The following RBM41 variants were observed in gnomAD, a reference collection of about 807,000 sequenced individuals.
RBM41 encodes the protein RNA binding motif protein 41.
Under a neutral mutation model 30.8 loss-of-function variants are expected in RBM41, and 14 were observed. That is an observed-to-expected ratio of 0.45 (90% CI 0.30 to 0.71). RBM41 has a LOEUF of 0.71. Ranked by LOEUF, RBM41 falls within the 30% of genes least tolerant of loss-of-function variation. The probability of loss-of-function intolerance (pLI) is 0.08; values close to 1 mark genes in which losing one functional copy is unlikely to be tolerated. For missense variants in RBM41, 276 were observed against 326.3 expected, an observed-to-expected ratio of 0.85 and a Z score of 1.19; for synonymous variants, 120 against 110.1, an observed-to-expected ratio of 1.09 and a Z score of -0.56.
the RBM41 span, among the ~76,000 whole-genome samples, chrX:107,054,657 T>G: frequency 2.7e-5 from 3 of 112,040 alleles, no homozygotes; most frequent in Non-Finnish European, 3.8e-5. Flanking sequence ...TTTAGGGTTT[T>G]GGGATGAGGA....
intron 5 of RBM41, among the ~76,000 whole-genome samples, chrX:107,100,284 G>A (rs1923338019): frequency 1.8e-5 from 2 of 111,678 alleles, no homozygotes; most frequent in South Asian, 3.7e-4. Context: ...CCAACATGGC[G>A]TGTGCCACTG....
chrX:107,073,748 A>G (rs1936144935), intron 6 of RBM41, among the ~76,000 whole-genome samples: 1 of 112,143 alleles, frequency 8.9e-6, no homozygotes, highest in Admixed American at 9.5e-5. Flanking sequence ...TAGGTGCCCA[A>G]CGATGTGGTA....
At chrX:107,072,988 CAA>C (rs1936117038) in intron 6 of RBM41, among the ~76,000 whole-genome samples, 2 of 110,947 alleles carry the variant, frequency 1.8e-5, no homozygotes, top group African/African-American at 6.5e-5. Context: ...ATACAAAAAT[CAA>C]CTCAAAACAG....
At chrX:107,085,260 C>CTT (rs1190566353) in intron 6 of RBM41, among the ~76,000 whole-genome samples, 8 of 76,393 alleles carry the variant, frequency 1.0e-4, no homozygotes, top group African/African-American at 2.0e-4. Flanking sequence ...TTTTCTTTTT[C>CTT]TTTTTTTTTT....
chrX:107,088,323 T>A (rs1922218001), intron 6 of RBM41, 113 bp downstream of exon 6: 1 of 722,564 alleles, frequency 1.4e-6, no homozygotes, highest in African/African-American at 2.1e-5. Flanking sequence ...ACAATCACTG[T>A]GCCTATATCA....
At chrX:107,082,737 A>T (rs917100984) in intron 6 of RBM41, among the ~76,000 whole-genome samples, 4 of 110,976 alleles carry the variant, frequency 3.6e-5, no homozygotes, top group Non-Finnish European at 5.7e-5. Context: ...TTTACAACTG[A>T]TCTAAGTCCA....
intron 5 of RBM41, among the ~76,000 whole-genome samples, chrX:107,091,186 CTTTAT>C (rs1480585502): frequency 1.8e-5 from 2 of 111,727 alleles, no homozygotes; most frequent in Admixed American, 9.5e-5. Context: ...ACTTAAACTC[CTTTAT>C]TTTAGAGTGT....
intron 6 of RBM41, among the ~76,000 whole-genome samples, chrX:107,071,207 CA>C (rs56261473): frequency 0.38 from 22,055 of 58,775 alleles, 2,739 homozygotes; most frequent in African/African-American, 0.51. Context: ...TATATCACTA[CA>C]AAAAAAAAAA....
At chrX:107,091,755 A>G (rs1922558440) in intron 5 of RBM41, among the ~76,000 whole-genome samples, 1 of 112,393 alleles carries the variant, frequency 8.9e-6, no homozygotes, top group Non-Finnish European at 1.9e-5. Context: ...CTACATAAAA[A>G]GTAACTTACT....
Position 107,066,353 on chromosome X carries a change from T to C in RBM41, c.*1174A>G, listed in dbSNP as rs6622141. On this transcript the variant is annotated 3_prime_UTR_variant, in exon 8 of 8. Coordinates refer to ENST00000685964, the MANE Select transcript of RBM41 (RefSeq NM_001324242.2). ...TCTCTCATCAAATCGGGGGTATTTATAGCCATTATTTCTTAGAATATTTTT... is the reference window on the plus strand; with the variant it reads ...TCTCTCATCAAATCGGGGGTATTTACAGCCATTATTTCTTAGAATATTTTT... The C allele has an allele frequency of 0.15, 17,241 of 111,277 alleles. 1,240 individuals are homozygous for C. Among genetic ancestry groups the C allele is most frequent in the East Asian group, 0.46 (1,600 of 3,507 alleles). 9.2% of individuals were successfully genotyped at this position (111,277 alleles called of 1,213,427 possible).
At chrX:107,070,359 C>T (rs1176324780) in intron 6 of RBM41, 2 of 330,798 alleles carry the variant, frequency 6.0e-6, no homozygotes, top group East Asian at 9.7e-5. Context: ...CCATTTGGCT[C>T]CTAGAACGCT....
chrX:107,105,286 A>G (rs1180905910), intron 5 of RBM41, among the ~76,000 whole-genome samples: 1 of 108,560 alleles, frequency 9.2e-6, no homozygotes, highest in African/African-American at 3.4e-5. Flanking sequence ...AAAGAGAATA[A>G]AATACCTAGG....
chrX:107,063,957 T>C lies in RBM41; in HGVS notation c.*3570A>G, dbSNP rs1453668223. On this transcript the variant is annotated 3_prime_UTR_variant, in exon 8 of 8. Coordinates refer to ENST00000685964, the MANE Select transcript of RBM41 (RefSeq NM_001324242.2). ...AGTGCTATGGTCTTTCTTTTCTTTTTTTTTTTTTTTTTGAGATGGAGTCTC... is the reference window on the plus strand; with the variant it reads ...AGTGCTATGGTCTTTCTTTTCTTTTCTTTTTTTTTTTTGAGATGGAGTCTC... 4.8e-5 allele frequency among the ~76,000 whole-genome samples: 5 copies of C among 103,550 alleles called. No homozygotes were observed. Among genetic ancestry groups the C allele is most frequent in the South Asian group, 4.5e-4 (1 of 2,227 alleles). 89.9% of individuals were successfully genotyped at this position (103,550 alleles called of 115,157 possible). A position where few individuals can be genotyped will look rare whatever the true frequency, so the allele number is the denominator to read the frequency against.
chrX:107,076,880 T>TATAA (rs201873847), intron 6 of RBM41, among the ~76,000 whole-genome samples: 3 of 111,323 alleles, frequency 2.7e-5, no homozygotes, highest in Admixed American at 1.9e-4. Flanking sequence ...TGCTAAAAGG[T>TATAA]ATAAATAAAT....
downstream of RBM41, among the ~76,000 whole-genome samples, chrX:107,061,290 A>G (rs1054933588): frequency 3.6e-5 from 4 of 112,112 alleles, no homozygotes; most frequent in Non-Finnish European, 5.6e-5. Context: ...CATTAGGGGA[A>G]GTTGAGTGAG....
intron 5 of RBM41, among the ~76,000 whole-genome samples, chrX:107,100,755 C>T (rs767546397): frequency 1.4e-4 from 16 of 111,058 alleles, no homozygotes; most frequent in Admixed American, 4.8e-4. Context: ...TAGATATATA[C>T]CCTGAGAAAC....
chrX:107,069,209 G>A, intron 7 of RBM41, 46 bp downstream of exon 7: 1 of 1,092,869 alleles, frequency 9.2e-7, no homozygotes, highest in South Asian at 2.1e-5. Flanking sequence ...GTAATCTCTA[G>A]CGAACTGAGG....
At position 107,067,631 on chromosome X, in the gene RBM41, A is replaced by G. The variant is rs1935893449; in HGVS notation, c.1210T>C (p.Leu404=). 4 of 1,208,865 alleles carry G rather than the reference A, an allele frequency of 3.3e-6. No individual in the cohort carries two copies. Among genetic ancestry groups the G allele is most frequent in the Non-Finnish European group, 4.5e-6 (4 of 894,504 alleles). Residue 404 remains leucine, a synonymous_variant, in exon 8 of 8, where the codon TTG becomes CTG. Transcript: ENST00000685964. ...TTGTTCTTTCCAAACTCTATCACCA[A>G]TATTTTCCCATGTAGTTTGTATCCA... ...VNGYKLHGKI[L]VIEFGKNKKQ...
rs776769775 is a variant in RBM41, at chrX:107,067,642, T to A, written c.1199A>T (p.His400Leu). ...AAACTCTATCACCAATATTTTCCCATGTAGTTTGTATCCATTTACTAGATG... is the reference window on the plus strand; with the variant it reads ...AAACTCTATCACCAATATTTTCCCAAGTAGTTTGTATCCATTTACTAGATG... The part of the protein sequence containing the change: ...ALHLVNGYKL[H>L]GKILVIEFGK... Residue 400 changes from histidine (H) to leucine (L), a missense_variant, in exon 8 of 8, where the codon CAT (histidine) becomes CTT (leucine). Coordinates refer to ENST00000685964, the MANE Select transcript of RBM41 (RefSeq NM_001324242.2). 3 of 1,210,322 alleles carry A rather than the reference T, an allele frequency of 2.5e-6. No individual in the cohort carries two copies. Among genetic ancestry groups the A allele is most frequent in the South Asian group, 3.5e-5 (2 of 56,604 alleles).
Sources: allele counts gnomAD v4.1 joint callset (sites outside exome capture counted in the v4.1 genomes callset), GRCh38; gene constraint gnomAD v4.1.1; transcripts MANE v1.5; gene names NCBI Gene and HGNC (gene_info 2026-07-23, HGNC 2026-07-21).